Variants in SEMA4F observed in about 807,000 individuals in gnomAD.
SEMA4F encodes the protein semaphorin-4F.
In SEMA4F, 51 loss-of-function variants were observed where a neutral mutation model predicts 78.4. The observed-to-expected ratio is 0.65, with a 90% CI of 0.52 to 0.82. The LOEUF (loss-of-function observed/expected upper bound fraction) is 0.82, where lower values mean the gene tolerates loss of function less well. SEMA4F is among the 40% of genes least tolerant of loss of function. The pLI is 0.00. For synonymous variants in SEMA4F, 418 were observed against 408.7 expected, an observed-to-expected ratio of 1.02 and a Z score of -0.27; for missense variants, 938 against 1,014.4, an observed-to-expected ratio of 0.92 and a Z score of 1.02.
At chr2:74,688,105 G>A (rs370889791), downstream of SEMA4F, among the ~76,000 whole-genome samples, 19 of 152,244 alleles carry the variant, frequency 1.2e-4, 1 homozygote, top group African/African-American at 4.1e-4. Flanking sequence ...ACTGAGGCTC[G>A]AAGGAGAAAT....
intron 5 of SEMA4F, among the ~76,000 whole-genome samples, chr2:74,667,533 G>A (rs2104959539): frequency 6.6e-6 from 1 of 152,292 alleles, no homozygotes; most frequent in South Asian, 2.1e-4. Flanking sequence ...TAGTGAGGTT[G>A]AACAATTTTT....
the SEMA4F span, among the ~76,000 whole-genome samples, chr2:74,702,334 C>T: frequency 1.3e-5 from 2 of 152,180 alleles, no homozygotes; most frequent in African/African-American, 2.4e-5. Flanking sequence ...GTTCTATCTG[C>T]AGTCATCTCC....
At chr2:74,703,554 A>G in the SEMA4F span, among the ~76,000 whole-genome samples, 1 of 152,356 alleles carries the variant, frequency 6.6e-6, no homozygotes, top group South Asian at 2.1e-4. Context: ...CAATGGGCCA[A>G]AATGAAACAC....
In SEMA4F at chr2:74,680,267, A is replaced by G; in HGVS notation, c.*58A>G. 6.6e-7 allele frequency: 1 copy of G among 1,507,526 alleles called. No individual in the cohort carries two copies. Among genetic ancestry groups the G allele is most frequent in the Non-Finnish European group, 8.9e-7 (1 of 1,126,024 alleles). 93.4% of individuals were successfully genotyped at this position (1,507,526 alleles called of 1,614,324 possible). On this transcript the variant is annotated 3_prime_UTR_variant, in exon 14 of 14. Transcript: ENST00000357877. ...TCACTGGAACGGAGTGACCACTGAG[A>G]TGCTGGGGGTCACTGGGCCTGGAAG...
chr2:74,687,235 T>A (rs892078775), downstream of SEMA4F, among the ~76,000 whole-genome samples: 14 of 152,228 alleles, frequency 9.2e-5, no homozygotes, highest in Non-Finnish European at 1.9e-4. Context: ...TAGGGAGAAC[T>A]AGTTGTTTCC....
At chr2:74,668,593 G>T (rs1268273270) in intron 5 of SEMA4F, among the ~76,000 whole-genome samples, 1 of 151,596 alleles carries the variant, frequency 6.6e-6, no homozygotes, top group African/African-American at 2.4e-5. Flanking sequence ...AAAGGCCAAG[G>T]CATGTAAAAA....
chr2:74,660,306 C>G (rs1028869083), intron 4 of SEMA4F, among the ~76,000 whole-genome samples: 6 of 152,256 alleles, frequency 3.9e-5, no homozygotes, highest in Admixed American at 2.0e-4. Context: ...TCCTGTCCCT[C>G]TAGTCTAGCC....
chr2:74,665,057 A>C lies in SEMA4F; in HGVS notation c.550+2232A>C, dbSNP rs1684616923. Among the ~76,000 whole-genome samples, 4 of 152,106 alleles carry C rather than the reference A, an allele frequency of 2.6e-5. No individual in the cohort carries two copies. In the South Asian group the frequency reaches 8.3e-4, roughly 32 times the overall value. On this transcript the variant is annotated intron_variant, in intron 5 of 13. Transcript: ENST00000357877. ...ATACTGTTTTTTTCTTTCCTTGCTG[A>C]CTTTTTTTGCCAACTTTATCATAAA...
chr2:74,707,198 A>T, the SEMA4F span, among the ~76,000 whole-genome samples: 42,804 of 152,170 alleles, frequency 0.28, 9,034 homozygotes, highest in East Asian at 0.82. Context: ...TATCAATGCT[A>T]AATTTTCCAA....
chr2:74,658,896 A>G lies in SEMA4F; in HGVS notation c.456+945A>G, dbSNP rs770986030. Among the ~76,000 whole-genome samples the G allele has an allele frequency of 1.6e-4, 25 of 152,142 alleles. No homozygotes were observed. The highest frequency in any genetic ancestry group is 2.8e-4 in the Non-Finnish European group (19 of 68,022). On this transcript the variant is annotated intron_variant, in intron 4 of 13. Transcript: ENST00000357877. This position sits in a 1 kb window ranked among gnomAD's most constrained non-coding sequence, Gnocchi z 4.3. ...TTGTCTTGACTCTTCTGCAGTCCTC[A>G]GTAATCCCTGCCACCTGGATCAAGT... is the stretch of plus-strand genomic sequence containing the variant.
chr2:74,656,242 T>G (rs538941349), intron 1 of SEMA4F, among the ~76,000 whole-genome samples: 1 of 152,130 alleles, frequency 6.6e-6, no homozygotes, highest in Non-Finnish European at 1.5e-5. Flanking sequence ...ACTCCTGACC[T>G]CAAGTGATCC....
At chr2:74,660,344 C>T (rs1307465716) in intron 4 of SEMA4F, among the ~76,000 whole-genome samples, 1 of 152,250 alleles carries the variant, frequency 6.6e-6, no homozygotes, top group Non-Finnish European at 1.5e-5. Context: ...TATCTGTCTT[C>T]AATTTCTTGT....
intron 5 of SEMA4F, among the ~76,000 whole-genome samples, chr2:74,671,908 GTTAATGGAT>G (rs1685008854): frequency 6.6e-6 from 1 of 152,310 alleles, no homozygotes; most frequent in South Asian, 2.1e-4. Context: ...TTCAAATCCT[GTTAATGGAT>G]TCTACCTCAG....
chr2:74,688,185 A>G (rs1685858090), downstream of SEMA4F, among the ~76,000 whole-genome samples: 1 of 152,186 alleles, frequency 6.6e-6, no homozygotes, highest in African/African-American at 2.4e-5. Context: ...CGGATTCCAA[A>G]GCTTGTGCTC....
At chr2:74,672,336 G>A (rs1361946815) in intron 5 of SEMA4F, among the ~76,000 whole-genome samples, 1 of 152,198 alleles carries the variant, frequency 6.6e-6, no homozygotes, top group African/African-American at 2.4e-5. Context: ...TTGCCTCTGA[G>A]ATACTGTTCC....
Position 74,675,803 on chromosome 2 carries a change from T to G in SEMA4F, c.1537T>G (p.Cys513Gly). 1 of 1,614,242 alleles carries G rather than the reference T, an allele frequency of 6.2e-7. No homozygotes were observed. The highest frequency in any genetic ancestry group is 8.5e-7 in the Non-Finnish European group (1 of 1,180,044). The change falls in exon 12 of 14, where the codon TGT (cysteine) becomes GGT (glycine). Residue 513 changes from cysteine (C) to glycine (G), a missense_variant. Transcript: ENST00000357877. ...TEVTQVNTTNCGRLQSCSECI... is the reference protein window; with the variant it reads ...TEVTQVNTTNGGRLQSCSECI... ...GGTGACACAAGTGAATACAACCAAC[T>G]GTGGCCGTCTCCAGAGCTGCTCAGA...
chr2:74,657,596 A>G lies in SEMA4F; in HGVS notation c.329A>G (p.Gln110Arg), dbSNP rs767738704. The change falls in exon 3 of 14, where the codon CAG becomes CGG. Residue 110 changes from glutamine to arginine, a missense_variant. Transcript: ENST00000357877. ...TGGATGGTTCCTGAGGCTCACAGACAGAACTGTAGGAAGAAAGGCAAGAAA... is the reference window on the plus strand; with the variant it reads ...TGGATGGTTCCTGAGGCTCACAGACGGAACTGTAGGAAGAAAGGCAAGAAA... ...IDWMVPEAHR[Q>R]NCRKKGKKED... The G allele has an allele frequency of 3.1e-6, 5 of 1,614,234 alleles. No homozygotes were observed. The highest frequency in any genetic ancestry group is 4.2e-6 in the Non-Finnish European group (5 of 1,180,032).
rs116253732 is a variant in SEMA4F, at chr2:74,656,979, T to C, written c.297+294T>C. 5.3e-3 allele frequency among the ~76,000 whole-genome samples: 800 copies of C among 152,154 alleles called. 5 individuals carry two copies. The highest frequency in any genetic ancestry group is 0.018 in the African/African-American group (755 of 41,484). ...AGAGGGATCATTAAAATTACAATAC[T>C]CTAGGGAAACAGCTTTCAAACTTTT... On this transcript the variant is annotated intron_variant, in intron 2 of 13. Coordinates refer to ENST00000357877, the MANE Select transcript of SEMA4F (RefSeq NM_004263.5).
chr2:74,663,195 C>T (rs555475301), intron 5 of SEMA4F, among the ~76,000 whole-genome samples: 1 of 152,190 alleles, frequency 6.6e-6, no homozygotes, highest in Non-Finnish European at 1.5e-5. Flanking sequence ...TAGAACAGCA[C>T]TTTCCAAAAG....
Sources: gnomAD v4.1 joint callset for allele counts (sites outside exome capture counted in the v4.1 genomes callset) on GRCh38, gnomAD v4.1.1 for gene constraint, Gnocchi (gnomAD v3.1) non-coding constraint, MANE v1.5 for transcripts, NCBI Gene and HGNC (gene_info 2026-07-23, HGNC 2026-07-21) for gene names.